Variants in TBC1D15 observed in about 807,000 individuals in gnomAD.
TBC1D15 encodes TBC1 domain family member 15.
A neutral mutation model predicts 95.4 loss-of-function variants in TBC1D15; 39 were observed. That is an observed-to-expected ratio of 0.41 (90% confidence interval 0.32 to 0.53). The LOEUF is 0.53. TBC1D15 is among the 20% of genes least tolerant of loss of function. The pLI, the probability that TBC1D15 is intolerant of heterozygous loss-of-function variation, is 0.29. For missense variants in TBC1D15, 733 were observed against 794.3 expected, an observed-to-expected ratio of 0.92 and a Z score of 0.93; for synonymous variants, 258 against 261.3, an observed-to-expected ratio of 0.99 and a Z score of 0.12.
intron 10 of TBC1D15, among the ~76,000 whole-genome samples, chr12:71,901,894 T>G (rs1351767799): frequency 1.3e-5 from 2 of 152,136 alleles, no homozygotes; most frequent in Non-Finnish European, 2.9e-5. Context: ...CAGTAAAGTT[T>G]CAGTATACAA....
chr12:71,861,326 A>G (rs1890315687), intron 1 of TBC1D15: 3 of 596,104 alleles, frequency 5.0e-6, no homozygotes, highest in African/African-American at 1.9e-5. Flanking sequence ...CAGTGAAGCC[A>G]TTGGGTTTTG....
intron 4 of TBC1D15, among the ~76,000 whole-genome samples, chr12:71,884,405 A>T (rs751338362): frequency 2.6e-5 from 4 of 152,170 alleles, no homozygotes; most frequent in Non-Finnish European, 4.4e-5. Flanking sequence ...ATAGAATTAC[A>T]ATGGGAGGTA....
At chr12:71,850,066 T>C (rs550847275) in intron 1 of TBC1D15, 1 of 520,210 alleles carries the variant, frequency 1.9e-6, no homozygotes, top group East Asian at 4.6e-5. Flanking sequence ...CAGCCATCGC[T>C]GTGAGTTTAA....
intron 5 of TBC1D15, among the ~76,000 whole-genome samples, chr12:71,892,483 A>G (rs1443887982): frequency 1.3e-5 from 2 of 151,990 alleles, no homozygotes; most frequent in Non-Finnish European, 2.9e-5. Context: ...CACTAAATAG[A>G]AAAAAGACTG....
At chr12:71,888,844 CTTTTTTT>C (rs112009881) in intron 5 of TBC1D15, among the ~76,000 whole-genome samples, 1 of 118,702 alleles carries the variant, frequency 8.4e-6, no homozygotes, top group Non-Finnish European at 1.9e-5. Context: ...ATACATGTTT[CTTTTTTT>C]TTTTTTTTTT....
In TBC1D15 at chr12:71,907,128, T is replaced by C. The variant is rs1174977145; in HGVS notation, c.1290T>C (p.Asp430=). 6.3e-7 allele frequency: 1 copy of C among 1,587,446 alleles called. No individual in the cohort carries two copies. ...HDILMTYCMY[D]FDLGYVQGMS... ...TTTTGATGACCTACTGTATGTATGA[T>C]TTTGATTTAGGTAAGTTCTCTAAAG... Residue 430 remains aspartate, a synonymous_variant, in exon 11 of 17, where the codon GAT becomes GAC. Coordinates refer to ENST00000485960, the MANE Select transcript of TBC1D15 (RefSeq NM_001146213.3).
rs1326039294 is a variant in TBC1D15, at chr12:71,921,458, T to TA, written c.1803+5dup. ...TCTACAGATGGTAAAATGCAAGGTA[T>TA]ACAGTGTTTCAAGTAATTGCAAGAT... On this transcript the variant is annotated splice_donor_region_variant and intron_variant, in intron 16 of 16. Transcript: ENST00000485960. 6.8e-7 allele frequency: 1 copy of TA among 1,480,078 alleles called. No homozygotes were observed. Among genetic ancestry groups the TA allele is most frequent in the African/African-American group, 1.4e-5 (1 of 71,642 alleles). The allele number at this position is 1,480,078 out of a possible 1,614,324, so 91.7% of individuals were successfully genotyped here.
intron 1 of TBC1D15, among the ~76,000 whole-genome samples, chr12:71,840,423 A>C (rs1884676225): frequency 6.6e-6 from 1 of 152,200 alleles, no homozygotes; most frequent in Non-Finnish European, 1.5e-5. Flanking sequence ...GAAGGCGTCC[A>C]AATATTTATT....
intron 4 of TBC1D15, among the ~76,000 whole-genome samples, chr12:71,883,963 G>A (rs529989006): frequency 3.3e-5 from 5 of 152,064 alleles, no homozygotes; most frequent in South Asian, 2.1e-4. Context: ...TGGAATTTTC[G>A]CTTCTATAAA....
chr12:71,874,196 C>T (rs1893281902), intron 3 of TBC1D15, among the ~76,000 whole-genome samples: 1 of 152,136 alleles, frequency 6.6e-6, no homozygotes, highest in Admixed American at 6.5e-5. Context: ...ATTACTTTTG[C>T]ACCAGCCTAA....
intron 1 of TBC1D15, among the ~76,000 whole-genome samples, chr12:71,852,930 G>T (rs1178416648): frequency 6.6e-6 from 1 of 152,082 alleles, no homozygotes; most frequent in Non-Finnish European, 1.5e-5. Context: ...ACCTCTGTCT[G>T]TTACCCACTT....
chr12:71,840,836 G>C (rs1189603585), intron 1 of TBC1D15, among the ~76,000 whole-genome samples: 1 of 152,102 alleles, frequency 6.6e-6, no homozygotes, highest in Admixed American at 6.6e-5. Flanking sequence ...ATATGGGCTT[G>C]GTTTTGCTGT....
intron 1 of TBC1D15, chr12:71,849,456 G>T: frequency 2.0e-6 from 2 of 1,008,078 alleles, no homozygotes; most frequent in Non-Finnish European, 3.2e-6. Context: ...TTCAAGGGAA[G>T]ATTCCAAACT....
In TBC1D15 at chr12:71,850,111, G is replaced by A. The variant is rs1887395619; in HGVS notation, c.30+10300G>A. ...ATCTAATATCAGAAGACACTCTGGAGTTATCTCAGCTTTCAAATACTCCAT... is the reference window on the plus strand; with the variant it reads ...ATCTAATATCAGAAGACACTCTGGAATTATCTCAGCTTTCAAATACTCCAT... On this transcript the variant is annotated intron_variant, in intron 1 of 16. Transcript: ENST00000485960. 6.3e-5 allele frequency: 33 copies of A among 523,738 alleles called. 1 individual carries two copies. The highest frequency in any genetic ancestry group is 3.7e-4 in the South Asian group (22 of 59,736). The allele number at this position is 523,738 out of a possible 1,614,324, so 32.4% of individuals were successfully genotyped here.
At chr12:71,893,411 A>G in intron 6 of TBC1D15, 87 bp downstream of exon 6, 1 of 788,636 alleles carries the variant, frequency 1.3e-6, no homozygotes, top group Non-Finnish European at 2.0e-6. Context: ...AGTATGCAAA[A>G]TGAGACAGGT....
In TBC1D15 at chr12:71,898,019, A is replaced by G. The variant is rs369091999; in HGVS notation, c.1183+78A>G. On this transcript the variant is annotated intron_variant, in intron 10 of 16. Coordinates refer to ENST00000485960, the MANE Select transcript of TBC1D15 (RefSeq NM_001146213.3). ...TTGATAAGAGTAAAGAAGTGAAGAT[A>G]CATGGTAATAGCACTAGGGCTCAAA... 85 of 1,030,576 alleles carry G rather than the reference A, an allele frequency of 8.2e-5. No homozygotes were observed. The East Asian group carries it at 2.0e-3, about 24-fold the overall frequency. 63.8% of individuals were successfully genotyped at this position (1,030,576 alleles called of 1,614,324 possible).
At chr12:71,920,141 T>C (rs1868715872) in intron 14 of TBC1D15, among the ~76,000 whole-genome samples, 1 of 152,150 alleles carries the variant, frequency 6.6e-6, no homozygotes, top group African/African-American at 2.4e-5. Context: ...GAGGATATTA[T>C]CTGTATTTAG....
intron 10 of TBC1D15, among the ~76,000 whole-genome samples, chr12:71,904,163 T>C (rs928457655): frequency 6.6e-6 from 1 of 152,112 alleles, no homozygotes; most frequent in African/African-American, 2.4e-5. Flanking sequence ...ATTGAAAACA[T>C]CAAAGTTTGA....
At chr12:71,917,834 G>A (rs370519462) in intron 13 of TBC1D15, 37 bp downstream of exon 13, 12 of 1,330,162 alleles carry the variant, frequency 9.0e-6, no homozygotes, top group Non-Finnish European at 1.3e-5. Context: ...CCAGCAAATT[G>A]TAGAGTAATG....
Sources: allele counts gnomAD v4.1 joint callset (sites outside exome capture counted in the v4.1 genomes callset), GRCh38; gene constraint gnomAD v4.1.1; transcripts MANE v1.5; gene names NCBI Gene and HGNC (gene_info 2026-07-23, HGNC 2026-07-21).